Variants in CWH43 observed in about 807,000 individuals in gnomAD.
CWH43 encodes the protein PGAP2-interacting protein.
Under a neutral mutation model 85.7 loss-of-function variants are expected in CWH43, and 91 were observed. That is an observed-to-expected ratio of 1.06 (90% CI 0.90 to 1.26). The LOEUF (loss-of-function observed/expected upper bound fraction) is 1.26. CWH43 is among the 50% of genes most tolerant of loss of function. CWH43 has a pLI of 0.00. For missense variants in CWH43, 869 were observed against 839.2 expected (o/e 1.04, Z -0.44); for synonymous variants, 323 against 293.6 (o/e 1.10, Z -1.02).
At chr4:49,057,479 G>T (rs1785004280) in intron 15 of CWH43, among the ~76,000 whole-genome samples, 1 of 152,174 alleles carries the variant, frequency 6.6e-6, no homozygotes, top group African/African-American at 2.4e-5. Flanking sequence ...AGAATGGGAG[G>T]CAGGTTTGCC....
chr4:49,008,634 C>G (rs1304235033), intron 8 of CWH43, among the ~76,000 whole-genome samples: 1 of 152,182 alleles, frequency 6.6e-6, no homozygotes, highest in African/African-American at 2.4e-5. Context: ...TTTAATCCAT[C>G]CTGAATTAAT....
intron 8 of CWH43, among the ~76,000 whole-genome samples, chr4:49,008,757 T>C (rs2109769540): frequency 6.6e-6 from 1 of 152,332 alleles, no homozygotes; most frequent in East Asian, 1.9e-4. Flanking sequence ...CTTGTTTTTG[T>C]CAGGTTTGTC....
chr4:49,009,128 G>T (rs1373778747), intron 8 of CWH43, among the ~76,000 whole-genome samples: 1 of 152,116 alleles, frequency 6.6e-6, no homozygotes, highest in African/African-American at 2.4e-5. Context: ...TCTTCCATTT[G>T]TTTGTGTCCT....
At chr4:48,987,859 T>G (rs1385536080) in intron 1 of CWH43, among the ~76,000 whole-genome samples, 1 of 152,136 alleles carries the variant, frequency 6.6e-6, no homozygotes, top group Non-Finnish European at 1.5e-5. Context: ...CTTTTGGGTG[T>G]AGTCTGGGGT....
intron 9 of CWH43, among the ~76,000 whole-genome samples, chr4:49,021,597 T>C (rs564156351): frequency 2.1e-4 from 32 of 152,254 alleles, no homozygotes; most frequent in African/African-American, 6.7e-4. Context: ...ATGATGGTGG[T>C]ATTTTAATGG....
At chr4:49,009,019 T>C (rs1437183543) in intron 8 of CWH43, among the ~76,000 whole-genome samples, 3 of 152,198 alleles carry the variant, frequency 2.0e-5, no homozygotes, top group Non-Finnish European at 4.4e-5. Flanking sequence ...AAGAAAGTCA[T>C]TGGTGACTTG....
At chr4:49,023,936 G>A (rs1411801500) in intron 9 of CWH43, among the ~76,000 whole-genome samples, 1 of 152,174 alleles carries the variant, frequency 6.6e-6, no homozygotes, top group Admixed American at 6.5e-5. Context: ...AGTGCTGTCA[G>A]TGCAGTACTG....
intron 9 of CWH43, among the ~76,000 whole-genome samples, chr4:49,019,018 G>A (rs1483790070): frequency 5.3e-5 from 8 of 152,180 alleles, no homozygotes; most frequent in Non-Finnish European, 1.2e-4. Context: ...GGAGTTATTT[G>A]AATTGGATTT....
chr4:49,045,831 T>C (rs776960919), intron 14 of CWH43, among the ~76,000 whole-genome samples: 1 of 152,184 alleles, frequency 6.6e-6, no homozygotes, highest in Non-Finnish European at 1.5e-5. Context: ...ATCATTATAA[T>C]TTGCATATCA....
At chr4:49,056,510 G>T (rs1784968516) in intron 15 of CWH43, among the ~76,000 whole-genome samples, 1 of 151,952 alleles carries the variant, frequency 6.6e-6, no homozygotes, top group Non-Finnish European at 1.5e-5. Flanking sequence ...GGTATCAGTT[G>T]TAACATCTCC....
At chr4:49,052,035 C>T (rs1313430437) in intron 15 of CWH43, among the ~76,000 whole-genome samples, 1 of 152,136 alleles carries the variant, frequency 6.6e-6, no homozygotes, top group East Asian at 1.9e-4. Context: ...ATTTCTACCG[C>T]TTTTACCAGC....
rs958861861 is a variant in CWH43, at chr4:49,050,573, G to A, written c.1866-121G>A. 9 of 651,726 alleles carry A rather than the reference G, an allele frequency of 1.4e-5. No homozygotes were observed. The African/African-American group carries it at 1.5e-4, about 11-fold the overall frequency. 40.4% of individuals were successfully genotyped at this position (651,726 alleles called of 1,614,324 possible). A position where few individuals can be genotyped will look rare whatever the true frequency, so the allele number is the denominator to read the frequency against. On this transcript the variant is annotated intron_variant, in intron 14 of 15. Transcript: ENST00000226432. ...AACAATTTAAGTTAATTCCAGTTGT[G>A]ATATACAGAGTAGAGTTAGAAGTGG...
intron 12 of CWH43, among the ~76,000 whole-genome samples, chr4:49,033,171 A>G (rs1467519553): frequency 1.3e-5 from 2 of 152,186 alleles, no homozygotes; most frequent in African/African-American, 4.8e-5. Context: ...ACAGAAAAAG[A>G]AATTTCCTTT....
chr4:49,048,289 T>C (rs531707300), intron 14 of CWH43, among the ~76,000 whole-genome samples: 18 of 151,576 alleles, frequency 1.2e-4, no homozygotes, highest in African/African-American at 2.2e-4. Flanking sequence ...TATATATATA[T>C]ACACACTCTG....
At chr4:48,986,657 G>A (rs536852055) in intron 1 of CWH43, 185 bp downstream of exon 1, 2 of 1,379,858 alleles carry the variant, frequency 1.4e-6, no homozygotes, top group Admixed American at 3.4e-5. Flanking sequence ...AAAAGACCTA[G>A]ATTGAAGTCT....
At chr4:48,988,171 A>G (rs1046604780) in intron 1 of CWH43, among the ~76,000 whole-genome samples, 6 of 152,198 alleles carry the variant, frequency 3.9e-5, no homozygotes, top group Non-Finnish European at 8.8e-5. Flanking sequence ...ACTTCTGGGT[A>G]TATATCCTAC....
chr4:49,029,701 C>G (rs1784035819), intron 10 of CWH43, among the ~76,000 whole-genome samples: 1 of 152,228 alleles, frequency 6.6e-6, no homozygotes, highest in Non-Finnish European at 1.5e-5. Context: ...GTGAGATATG[C>G]TGGCAGCAAT....
chr4:49,060,359 C>T (rs190054539), intron 15 of CWH43, among the ~76,000 whole-genome samples: 6 of 152,002 alleles, frequency 3.9e-5, no homozygotes, highest in Admixed American at 6.6e-5. Flanking sequence ...GGGGGTGGCC[C>T]GAAACTGATG....
chr4:49,032,059 G>C (rs1000730854), intron 11 of CWH43, among the ~76,000 whole-genome samples: 1 of 152,194 alleles, frequency 6.6e-6, no homozygotes, highest in Non-Finnish European at 1.5e-5. Context: ...ACTCCATGAA[G>C]GTGACAGAGA....
Sources: gnomAD v4.1 joint callset for allele counts (sites outside exome capture counted in the v4.1 genomes callset) on GRCh38, gnomAD v4.1.1 for gene constraint, MANE v1.5 for transcripts, NCBI Gene and HGNC (gene_info 2026-07-23, HGNC 2026-07-21) for gene names.